OR2L3: variants seen among roughly 807,000 people sequenced by gnomAD.
OR2L3 encodes olfactory receptor family 2 subfamily L member 3, also known as olfactory receptor 2L3.
For missense variants in OR2L3, 369 were observed against 376.6 expected, an observed-to-expected ratio of 0.98 and a Z score of 0.17; for synonymous variants, 131 against 139.1, an observed-to-expected ratio of 0.94 and a Z score of 0.41.
At position 248,061,417 on chromosome 1, in the gene OR2L3, G is replaced by C. The variant is rs1376907369; in HGVS notation, c.736G>C (p.Val246Leu). 3.1e-6 allele frequency: 5 copies of C among 1,614,070 alleles called. No homozygotes were observed. The Admixed American group carries it at 5.0e-5, about 16-fold the overall frequency. ...AYLTCSTHLT[V>L]VTFYYAPFVY... ...CCTGACCTGCAGCACCCACCTCACT[G>C]TAGTAACTTTCTACTATGCACCTTT... is the stretch of plus-strand genomic sequence containing the variant. Residue 246 changes from valine to leucine, a missense_variant, in exon 2 of 2, where the codon GTA becomes CTA. Coordinates refer to ENST00000359959, the MANE Select transcript of OR2L3 (RefSeq NM_001004687.2).
chr1:248,050,236 C>G (rs752001759), intron 1 of OR2L3, among the ~76,000 whole-genome samples: 1 of 151,262 alleles, frequency 6.6e-6, no homozygotes, highest in Non-Finnish European at 1.5e-5. Flanking sequence ...GTCATTAATG[C>G]TTATGCCTGC....
At position 248,047,182 on chromosome 1, in the gene OR2L3, C is replaced by T. The variant is rs539528963; in HGVS notation, c.-22+302C>T. 1.4e-3 allele frequency among the ~76,000 whole-genome samples: 209 copies of T among 152,198 alleles called. 1 individual carries two copies. Among genetic ancestry groups the T allele is most frequent in the African/African-American group, 4.9e-3 (204 of 41,538 alleles). On this transcript the variant is annotated intron_variant, in intron 1 of 1. Transcript: ENST00000359959. ...TATGAGCTCAAGTGAAATTAAAGAA[C>T]CCACATTCATAATAATGATTGTAGG... is the stretch of plus-strand genomic sequence containing the variant.
intron 1 of OR2L3, among the ~76,000 whole-genome samples, chr1:248,057,751 T>C (rs1364026129): frequency 6.6e-6 from 1 of 152,338 alleles, no homozygotes; most frequent in Admixed American, 6.5e-5. Context: ...TATTTCTTTT[T>C]GTTACTATTG....
chr1:248,055,327 G>T (rs1663399519), intron 1 of OR2L3, among the ~76,000 whole-genome samples: 1 of 152,138 alleles, frequency 6.6e-6, no homozygotes, highest in African/African-American at 2.4e-5. Context: ...ATGTGCTGCT[G>T]GATTCAATTT....
At chr1:248,047,819 A>G (rs1663127053) in intron 1 of OR2L3, among the ~76,000 whole-genome samples, 1 of 152,136 alleles carries the variant, frequency 6.6e-6, no homozygotes, top group African/African-American at 2.4e-5. Flanking sequence ...GATGCTGGCA[A>G]TGATAATGAT....
intron 1 of OR2L3, among the ~76,000 whole-genome samples, chr1:248,058,145 G>C (rs557258791): frequency 6.6e-6 from 1 of 152,228 alleles, no homozygotes; most frequent in Non-Finnish European, 1.5e-5. Flanking sequence ...AATGTTTTAT[G>C]AAAGAAATGC....
At chr1:248,054,647 G>A (rs980046924) in intron 1 of OR2L3, among the ~76,000 whole-genome samples, 5 of 152,030 alleles carry the variant, frequency 3.3e-5, no homozygotes, top group Non-Finnish European at 7.4e-5. Context: ...TCTTTGAATA[G>A]GTCCTTCACT....
Position 248,061,454 on chromosome 1 carries a change from A to G in OR2L3, c.773A>G (p.Tyr258Cys). The change falls in exon 2 of 2, where the codon TAT becomes TGT. Residue 258 changes from tyrosine (Y) to cysteine (C), a missense_variant. By Grantham distance (194) the Tyr-to-Cys change is radical (BLOSUM62 -2). Transcript: ENST00000359959. ...TACTATGCACCTTTTGTCTACACTT[A>G]TCTACGTCCAAGATCCCTGCGATCT... ...TFYYAPFVYT[Y>C]LRPRSLRSPT... is the part of the protein sequence containing the mutation. 6.2e-7 allele frequency: 1 copy of G among 1,614,000 alleles called. No homozygotes were observed. The highest frequency in any genetic ancestry group is 1.3e-5 in the African/African-American group (1 of 74,964).
rs373491036 is a variant in OR2L3 at position 248,061,644 on chromosome 1, A to T, written c.*24A>T. 8.8e-4 allele frequency: 1,396 copies of T among 1,589,572 alleles called. 4 individuals carry two copies. The highest frequency in any genetic ancestry group is 1.1e-3 in the Non-Finnish European group (1,285 of 1,165,486). ...AGAAACATTTTCTACCTAAGGTCTC[A>T]GGACTCAGATACACATCCATCCAGC... On this transcript the variant is annotated 3_prime_UTR_variant, in exon 2 of 2. Transcript: ENST00000359959.
In OR2L3 at chr1:248,061,336, C is replaced by T. The variant is rs372021069; in HGVS notation, c.655C>T (p.Arg219Trp). The T allele has an allele frequency of 3.8e-5, 62 of 1,613,734 alleles. No individual in the cohort carries two copies. Among genetic ancestry groups the T allele is most frequent in the East Asian group, 3.1e-4 (14 of 44,836 alleles). ...PFIAISCSYG[R>W]VLLAVYHMKS... ...CATTGCTATTTCATGTTCCTATGGCCGGGTTCTCCTTGCTGTCTACCACAT... is the reference window on the plus strand; with the variant it reads ...CATTGCTATTTCATGTTCCTATGGCTGGGTTCTCCTTGCTGTCTACCACAT... The change falls in exon 2 of 2, where the codon CGG (arginine) becomes TGG (tryptophan). Residue 219 changes from arginine to tryptophan, a missense_variant. Transcript: ENST00000359959.
chr1:248,049,693 A>G (rs1663193558), intron 1 of OR2L3, among the ~76,000 whole-genome samples: 1 of 152,128 alleles, frequency 6.6e-6, no homozygotes, highest in Non-Finnish European at 1.5e-5. Context: ...CATTTCTTAT[A>G]CTTTCTCAAT....
intron 1 of OR2L3, among the ~76,000 whole-genome samples, chr1:248,050,131 A>G (rs12093163): frequency 0.31 from 47,619 of 152,018 alleles, 13,303 homozygotes; most frequent in African/African-American, 0.75. Flanking sequence ...TGCCTTTCAC[A>G]TGAGACGTAG....
At chr1:248,055,026 A>G (rs2103117120) in intron 1 of OR2L3, among the ~76,000 whole-genome samples, 1 of 152,308 alleles carries the variant, frequency 6.6e-6, no homozygotes, top group East Asian at 1.9e-4. Flanking sequence ...TAATTTTCAA[A>G]GGGAATGCTT....
rs1042073710 is a variant in OR2L3, at chr1:248,060,893, A to C, written c.212A>C (p.Asn71Thr). ...LLSQLSLIDL[N>T]YISTIVPKMA... ...AGTCAGCTCTCCCTCATTGACCTAA[A>C]TTACATCTCCACCATTGTTCCTAAG... Residue 71 changes from asparagine (N) to threonine (T), a missense_variant, in exon 2 of 2, where the codon AAT becomes ACT. Asn to Thr is a moderately conservative substitution (Grantham distance 65). Transcript: ENST00000359959. 31 of 1,613,804 alleles carry C rather than the reference A, an allele frequency of 1.9e-5. No homozygotes were observed. The Admixed American group carries it at 4.8e-4, about 25-fold the overall frequency.
rs762996659 is a variant in OR2L3 at position 248,060,699 on chromosome 1, A to G, written c.18A>G (p.Gln6=). 1.2e-6 allele frequency: 2 copies of G among 1,613,182 alleles called. No individual in the cohort carries two copies. Among genetic ancestry groups the G allele is most frequent in the Non-Finnish European group, 1.7e-6 (2 of 1,179,378 alleles). ...AATGCCCCATGGAAAATTACAATCAAACATCAACTGATTTCATCTTATTAG... is the reference window on the plus strand; with the variant it reads ...AATGCCCCATGGAAAATTACAATCAGACATCAACTGATTTCATCTTATTAG... The part of the protein sequence containing the change: MENYN[Q]TSTDFILLGF... The change falls in exon 2 of 2, where the codon CAA becomes CAG. Residue 6 remains glutamine, a synonymous_variant. Coordinates refer to ENST00000359959, the MANE Select transcript of OR2L3 (RefSeq NM_001004687.2).
chr1:248,054,965 C>T (rs1440350813), intron 1 of OR2L3, among the ~76,000 whole-genome samples: 2 of 152,194 alleles, frequency 1.3e-5, no homozygotes, highest in African/African-American at 4.8e-5. Context: ...GTCATACCTT[C>T]CAACACTACA....
At position 248,060,887 on chromosome 1, in the gene OR2L3, A is replaced by G; in HGVS notation, c.206A>G (p.Asp69Gly). ...CTACTTAGTCAGCTCTCCCTCATTG[A>G]CCTAAATTACATCTCCACCATTGTT... Reference protein sequence around the residue: ...YFLLSQLSLIDLNYISTIVPK... With the variant: ...YFLLSQLSLIGLNYISTIVPK... The change falls in exon 2 of 2, where the codon GAC becomes GGC. Residue 69 changes from aspartate (D) to glycine (G), a missense_variant. Coordinates refer to ENST00000359959, the MANE Select transcript of OR2L3 (RefSeq NM_001004687.2). 3 of 1,613,858 alleles carry G rather than the reference A, an allele frequency of 1.9e-6. No homozygotes were observed. Among genetic ancestry groups the G allele is most frequent in the Non-Finnish European group, 2.5e-6 (3 of 1,179,850 alleles).
chr1:248,058,935 AT>A (rs1331639383), intron 1 of OR2L3, among the ~76,000 whole-genome samples: 1 of 151,816 alleles, frequency 6.6e-6, no homozygotes, highest in Non-Finnish European at 1.5e-5. Flanking sequence ...TTCACTTAAT[AT>A]TTTTTATCAA....
At chr1:248,060,522 A>G in intron 1 of OR2L3, 139 bp from the exon 2 acceptor site, 3 of 619,384 alleles carry the variant, frequency 4.8e-6, no homozygotes, top group Non-Finnish European at 8.7e-6. Context: ...TATCAGAAGT[A>G]TGTGTGGACA....
Sources: allele counts gnomAD v4.1 joint callset (sites outside exome capture counted in the v4.1 genomes callset), GRCh38; gene constraint gnomAD v4.1.1; transcripts MANE v1.5; gene names NCBI Gene and HGNC (gene_info 2026-07-23, HGNC 2026-07-21).